RNASE11: variants seen among roughly 807,000 people sequenced by gnomAD.
RNASE11 encodes the protein putative inactive ribonuclease 11.
For missense variants in RNASE11, 252 were observed against 237.8 expected (o/e 1.06, Z -0.39); for synonymous variants, 105 against 86.1 (o/e 1.22, Z -1.21).
At chr14:20,585,554 T>C (rs1354138842) in intron 1 of RNASE11, among the ~76,000 whole-genome samples, 1 of 152,252 alleles carries the variant, frequency 6.6e-6, no homozygotes, top group Non-Finnish European at 1.5e-5. Flanking sequence ...GGATCAGTTA[T>C]AAATTTTAAT....
upstream of RNASE11, chr14:20,590,024 C>A: frequency 1.7e-6 from 1 of 596,814 alleles, no homozygotes; most frequent in Non-Finnish European, 2.7e-6. Context: ...TCCTGTTTCT[C>A]ATCAAAGGAC....
At chr14:20,584,255 T>G (rs35818240) in exon 2 of RNASE11, 1 of 1,614,156 alleles carries the variant, frequency 6.2e-7, no homozygotes. Context: ...GTCAGTAATG[T>G]GGAAGACATA....
upstream of RNASE11, chr14:20,587,794 A>G (rs1280931432): frequency 1.0e-6 from 1 of 985,402 alleles, no homozygotes; most frequent in Non-Finnish European, 1.2e-6. Flanking sequence ...CCCCCTCCTA[A>G]ATCTGATCAA....
chr14:20,586,334 T>C (rs1884432808), intron 1 of RNASE11, among the ~76,000 whole-genome samples: 1 of 152,268 alleles, frequency 6.6e-6, no homozygotes, highest in Non-Finnish European at 1.5e-5. Flanking sequence ...TTCTTTATTT[T>C]ACATGTTTCA....
upstream of RNASE11, chr14:20,590,015 C>A: frequency 1.8e-6 from 1 of 561,342 alleles, no homozygotes; most frequent in African/African-American, 1.8e-5. Flanking sequence ...TAATCTCAGT[C>A]CTGTTTCTCA....
Position 20,585,864 on chromosome 14 carries a change from A to T in RNASE11, c.-22-1368T>A, listed in dbSNP as rs536825618. On this transcript the variant is annotated intron_variant, in intron 1 of 1. Transcript: ENST00000553849. ...TCAATCCTGGAAAATCCCTAAAGAA[A>T]GGTTATTTAAGTTAATAATTATTTC... Among the ~76,000 whole-genome samples the T allele has an allele frequency of 1.0e-3, 156 of 152,324 alleles. 1 individual carries two copies. The highest frequency in any genetic ancestry group is 3.7e-3 in the African/African-American group (154 of 41,568).
chr14:20,586,163 C>T (rs1035014412), intron 1 of RNASE11, among the ~76,000 whole-genome samples: 50 of 152,352 alleles, frequency 3.3e-4, no homozygotes, highest in Middle Eastern at 6.8e-3. Context: ...ATCTGCCTAT[C>T]GGGATTTATC....
rs1188193599 is a variant in RNASE11 at position 20,583,742 on chromosome 14, C to T, written c.*133G>A. 7 of 921,806 alleles carry T rather than the reference C, an allele frequency of 7.6e-6. No individual in the cohort carries two copies. The South Asian group carries it at 1.4e-4, about 19-fold the overall frequency. The allele number at this position is 921,806 out of a possible 1,614,324, so 57.1% of individuals were successfully genotyped here. ...ATTATCCACAATTTTGGATTTTTCA[C>T]TCCTCCAGTTAGAATAAATAATCAG... is the stretch of plus-strand genomic sequence containing the variant. On this transcript the variant is annotated 3_prime_UTR_variant, in exon 2 of 2. Coordinates refer to ENST00000553849, the Ensembl canonical transcript of RNASE11.
upstream of RNASE11, chr14:20,590,177 G>A (rs1321414199): frequency 1.4e-5 from 21 of 1,516,218 alleles, no homozygotes; most frequent in Middle Eastern, 2.4e-4. Context: ...TTCCCCTTCC[G>A]CTCAAGGCAT....
upstream of RNASE11, among the ~76,000 whole-genome samples, chr14:20,589,355 G>T (rs1448571785): frequency 1.3e-5 from 2 of 150,742 alleles, no homozygotes; most frequent in African/African-American, 2.4e-5. Flanking sequence ...CTGGGTTCAC[G>T]CCATTCTCTT....
exon 1 of RNASE11, chr14:20,587,597 G>T: frequency 1.0e-6 from 1 of 985,212 alleles, no homozygotes; most frequent in African/African-American, 1.7e-5. Context: ...GATGCTGAGG[G>T]CTCTGTTTAC....
At chr14:20,584,082 G>A in exon 2 of RNASE11, 1 of 1,614,186 alleles carries the variant, frequency 6.2e-7, no homozygotes, top group Non-Finnish European at 8.5e-7. Context: ...GGGCCCTGTG[G>A]ACCCTGCGCA....
chr14:20,583,668 T>C, exon 2 of RNASE11: 1 of 262,844 alleles, frequency 3.8e-6, no homozygotes, highest in Non-Finnish European at 7.3e-6. Flanking sequence ...GAGAGAGAGA[T>C]AGAGAGAGAA....
intron 1 of RNASE11, among the ~76,000 whole-genome samples, chr14:20,586,005 C>T (rs1199308792): frequency 6.6e-6 from 1 of 152,218 alleles, no homozygotes; most frequent in Non-Finnish European, 1.5e-5. Flanking sequence ...ATCACCCCTT[C>T]CTGACCCTCC....
chr14:20,586,112 C>T (rs1231766897), intron 1 of RNASE11, among the ~76,000 whole-genome samples: 1 of 152,222 alleles, frequency 6.6e-6, no homozygotes, highest in African/African-American at 2.4e-5. Flanking sequence ...AAGTCTGATC[C>T]CCTGAGCCCA....
exon 2 of RNASE11, chr14:20,584,383 G>A (rs771864987): frequency 3.7e-6 from 6 of 1,614,122 alleles, no homozygotes; most frequent in Non-Finnish European, 4.2e-6. Context: ...CTCTTCGTCT[G>A]TAAATTCTTC....
chr14:20,589,750 G>T (rs985340024), upstream of RNASE11, among the ~76,000 whole-genome samples: 1 of 151,960 alleles, frequency 6.6e-6, no homozygotes, highest in Non-Finnish European at 1.5e-5. Context: ...AGCCGGGCGC[G>T]GTGGCACATG....
At chr14:20,583,215 A>G (rs1001924483), downstream of RNASE11, 2 of 152,258 alleles carry the variant, frequency 1.3e-5, no homozygotes, top group Non-Finnish European at 2.9e-5. Flanking sequence ...GCCCCAGGGT[A>G]TCAAGACTTG....
chr14:20,585,094 G>A (rs1238031011), intron 1 of RNASE11: 14 of 985,342 alleles, frequency 1.4e-5, no homozygotes, highest in Non-Finnish European at 1.6e-5. Context: ...AAGTGAAATC[G>A]TGTTTGTTTC....
Sources: gnomAD v4.1 joint callset for allele counts (sites outside exome capture counted in the v4.1 genomes callset) on GRCh38, gnomAD v4.1.1 for gene constraint, MANE v1.5 for transcripts, NCBI Gene and HGNC (gene_info 2026-07-23, HGNC 2026-07-21) for gene names.